Variants in DLG2 observed in about 807,000 individuals in gnomAD.
DLG2 encodes the protein discs large MAGUK scaffold protein 2, also known as disks large homolog 2.
Under a neutral mutation model 132.5 loss-of-function variants are expected in DLG2, and 45 were observed. That is an observed-to-expected ratio of 0.34 (90% CI 0.27 to 0.44). The LOEUF is 0.44. DLG2 is among the 20% of genes least tolerant of loss of function. The pLI, the probability that DLG2 is intolerant of heterozygous loss-of-function variation, is 1.00. For missense variants in DLG2, 1,045 were observed against 1,196.9 expected (o/e 0.87, Z 1.87); for synonymous variants, 424 against 419.6 (o/e 1.01, Z -0.13).
At chr11:83,712,747 T>C (rs1374029651) in intron 18 of DLG2, among the ~76,000 whole-genome samples, 3 of 151,898 alleles carry the variant, frequency 2.0e-5, no homozygotes, top group African/African-American at 7.3e-5. Flanking sequence ...CACTTATAAG[T>C]GGGAGCTGAA....
At chr11:84,612,094 T>C (rs1194220776) in intron 6 of DLG2, among the ~76,000 whole-genome samples, 1 of 152,168 alleles carries the variant, frequency 6.6e-6, no homozygotes, top group Non-Finnish European at 1.5e-5. Flanking sequence ...TCTTTCCCTT[T>C]ACAACTTTTC....
chr11:84,759,029 C>A (rs560486546), intron 6 of DLG2, among the ~76,000 whole-genome samples: 1 of 152,058 alleles, frequency 6.6e-6, no homozygotes, highest in South Asian at 2.1e-4. Context: ...AGGCACGCAC[C>A]ACCATGCCTG....
chr11:84,544,000 G>C (rs771796842), intron 6 of DLG2, among the ~76,000 whole-genome samples: 1 of 152,166 alleles, frequency 6.6e-6, no homozygotes, highest in South Asian at 2.1e-4. Flanking sequence ...TGGACTAGCT[G>C]CCAGGAAGGA....
chr11:85,522,597 T>C (rs1197855943), intron 3 of DLG2, among the ~76,000 whole-genome samples: 1 of 152,304 alleles, frequency 6.6e-6, no homozygotes, highest in East Asian at 1.9e-4. Context: ...CAGGAGGCTG[T>C]ACCCTGCAAA....
At chr11:85,005,311 T>C (rs981965293) in intron 6 of DLG2, among the ~76,000 whole-genome samples, 27 of 152,118 alleles carry the variant, frequency 1.8e-4, no homozygotes, top group African/African-American at 6.5e-4. Context: ...TATAAATTAC[T>C]TTGGGCAGTA....
chr11:85,193,771 C>T (rs1300486950), intron 4 of DLG2, among the ~76,000 whole-genome samples: 1 of 152,130 alleles, frequency 6.6e-6, no homozygotes, highest in Non-Finnish European at 1.5e-5. Flanking sequence ...ATGCTGAATA[C>T]TTGACCCTTT....
intron 6 of DLG2, among the ~76,000 whole-genome samples, chr11:84,869,916 C>A (rs1034849630): frequency 5.3e-5 from 8 of 152,158 alleles, no homozygotes; most frequent in African/African-American, 1.7e-4. Flanking sequence ...GGAATATTCC[C>A]TTCCGTTTGG....
At chr11:84,143,290 G>T (rs770140185) in intron 9 of DLG2, among the ~76,000 whole-genome samples, 2 of 152,158 alleles carry the variant, frequency 1.3e-5, no homozygotes, top group Non-Finnish European at 2.9e-5. Flanking sequence ...CTTTTCAGGG[G>T]AGATAACATA....
At chr11:83,499,035 A>G (rs1321763092) in intron 21 of DLG2, among the ~76,000 whole-genome samples, 2 of 152,180 alleles carry the variant, frequency 1.3e-5, no homozygotes, top group African/African-American at 2.4e-5. Flanking sequence ...ATAGACCTAT[A>G]ACAAGTAAAG....
At chr11:83,889,795 T>A (rs1030187799) in intron 15 of DLG2, among the ~76,000 whole-genome samples, 6 of 151,960 alleles carry the variant, frequency 3.9e-5, no homozygotes, top group African/African-American at 1.5e-4. Flanking sequence ...AAACAGTGAG[T>A]TCATGTCCTT....
At chr11:85,453,029 A>AGTCACCCCCGGCTTTT (rs1473730750) in intron 3 of DLG2, 1 of 188,026 alleles carries the variant, frequency 5.3e-6, no homozygotes, top group Non-Finnish European at 1.1e-5. Flanking sequence ...GCACGGCCTT[A>AGTCACCCCCGGCTTTT]GTCACCCCCG....
At chr11:84,053,462 T>C (rs1367943169) in intron 11 of DLG2, among the ~76,000 whole-genome samples, 8 of 151,988 alleles carry the variant, frequency 5.3e-5, no homozygotes, top group Non-Finnish European at 7.4e-5. Context: ...GAACCTCTCA[T>C]AGTATTTTAT....
chr11:84,631,630 C>T (rs1054232909), intron 6 of DLG2, among the ~76,000 whole-genome samples: 1 of 152,062 alleles, frequency 6.6e-6, no homozygotes, highest in Non-Finnish European at 1.5e-5. Flanking sequence ...GACGATATTA[C>T]AATAGGCCAT....
chr11:84,340,416 G>T (rs1457532656), intron 7 of DLG2, among the ~76,000 whole-genome samples: 1 of 152,192 alleles, frequency 6.6e-6, no homozygotes, highest in African/African-American at 2.4e-5. Context: ...CAATCATTGT[G>T]CTGGTTAAGT....
intron 6 of DLG2, among the ~76,000 whole-genome samples, chr11:85,069,159 G>A (rs1566783232): frequency 6.6e-6 from 1 of 151,056 alleles, no homozygotes; most frequent in South Asian, 2.1e-4. Flanking sequence ...ATTCAAGATG[G>A]ATTAAAGACT....
chr11:84,317,107 C>T (rs769978432), intron 7 of DLG2: 3 of 1,612,710 alleles, frequency 1.9e-6, no homozygotes, highest in African/African-American at 1.3e-5. Flanking sequence ...CATCGGACCC[C>T]CGGCTGCAGC....
intron 19 of DLG2, among the ~76,000 whole-genome samples, chr11:83,609,197 C>A (rs2059764602): frequency 6.6e-6 from 1 of 152,156 alleles, no homozygotes; most frequent in Admixed American, 6.5e-5. Flanking sequence ...AAATGGCCTA[C>A]AAATTGAAAT....
rs529322021 is a variant in DLG2 at position 84,192,098 on chromosome 11, T to C, written c.574-28587A>G. On this transcript the variant is annotated intron_variant, in intron 8 of 27. Transcript: ENST00000376104. ...TCCATTAAGATACTACTGCTGCACA[T>C]GGGACAAGTAAGAAAACTAATGTGA... 9.9e-5 allele frequency among the ~76,000 whole-genome samples: 15 copies of C among 152,196 alleles called. No individual in the cohort carries two copies. The East Asian group carries it at 1.9e-3, about 20-fold the overall frequency.
At chr11:84,735,483 A>C (rs971542255) in intron 6 of DLG2, among the ~76,000 whole-genome samples, 1 of 151,998 alleles carries the variant, frequency 6.6e-6, no homozygotes, top group Non-Finnish European at 1.5e-5. Context: ...CGGTGGTGAT[A>C]TCCCTTTTAT....
Sources: allele counts gnomAD v4.1 joint callset (sites outside exome capture counted in the v4.1 genomes callset), GRCh38; gene constraint gnomAD v4.1.1; transcripts MANE v1.5; gene names NCBI Gene and HGNC (gene_info 2026-07-23, HGNC 2026-07-21).